Variants in BCAS1 observed in about 807,000 individuals in gnomAD.
The protein encoded by BCAS1 is brain enriched myelin associated protein 1, also known as breast carcinoma-amplified sequence 1.
In BCAS1, 46 loss-of-function variants were observed where a neutral mutation model predicts 65.4. The observed-to-expected ratio is 0.70, with a 90% confidence interval of 0.55 to 0.90. The LOEUF is 0.90. BCAS1 is among the 40% of genes least tolerant of loss of function. The pLI is 0.00. For synonymous variants in BCAS1, 298 were observed against 293.5 expected (o/e 1.02, Z -0.16); for missense variants, 793 against 771.2 (o/e 1.03, Z -0.33).
At chr20:53,993,798 G>A (rs1174504342) in intron 6 of BCAS1, among the ~76,000 whole-genome samples, 1 of 152,184 alleles carries the variant, frequency 6.6e-6, no homozygotes, top group African/African-American at 2.4e-5. Context: ...GCATGTAGAT[G>A]CTTCAGATAC....
chr20:53,957,928 A>G (rs1381122728), intron 10 of BCAS1, among the ~76,000 whole-genome samples: 2 of 151,018 alleles, frequency 1.3e-5, no homozygotes, highest in African/African-American at 4.9e-5. Flanking sequence ...GTTTTGTTTA[A>G]TATTTCATTT....
intron 10 of BCAS1, among the ~76,000 whole-genome samples, chr20:53,961,679 T>C (rs184446447): frequency 7.2e-4 from 110 of 152,332 alleles, no homozygotes; most frequent in African/African-American, 2.6e-3. Flanking sequence ...CATGTGGTTG[T>C]TCTACCTTCG....
chr20:54,061,789 G>A (rs759050566), intron 1 of BCAS1, among the ~76,000 whole-genome samples: 7 of 152,144 alleles, frequency 4.6e-5, no homozygotes, highest in African/African-American at 7.2e-5. Context: ...TATAAAATCC[G>A]TGACTCACAC....
chr20:54,057,824 A>G (rs559741723), intron 3 of BCAS1, among the ~76,000 whole-genome samples: 1 of 152,336 alleles, frequency 6.6e-6, no homozygotes, highest in East Asian at 1.9e-4. Context: ...GGCGTGGAAC[A>G]CGTTCTCCCT....
chr20:54,066,812 AC>A (rs1159326259), intron 1 of BCAS1, among the ~76,000 whole-genome samples: 4 of 152,222 alleles, frequency 2.6e-5, no homozygotes, highest in Admixed American at 2.6e-4. Flanking sequence ...TGTTTTGGTT[AC>A]CACAGCCCAA....
intron 12 of BCAS1, among the ~76,000 whole-genome samples, chr20:53,949,531 G>A (rs2089446549): frequency 6.6e-6 from 1 of 152,294 alleles, no homozygotes; most frequent in South Asian, 2.1e-4. Context: ...TGACAGGCTC[G>A]GCTGCCAGCA....
intron 1 of BCAS1, among the ~76,000 whole-genome samples, chr20:54,067,388 T>G (rs573412826): frequency 6.6e-6 from 1 of 152,090 alleles, no homozygotes; most frequent in Non-Finnish European, 1.5e-5. Context: ...AGTAAATAAA[T>G]AAATCAAATA....
At chr20:54,068,910 C>T (rs1461944538) in intron 1 of BCAS1, among the ~76,000 whole-genome samples, 1 of 152,172 alleles carries the variant, frequency 6.6e-6, no homozygotes, top group Non-Finnish European at 1.5e-5. Flanking sequence ...ATTCCTCTCC[C>T]TCCACATCTC....
At chr20:54,020,961 T>A (rs2091544039) in intron 4 of BCAS1, among the ~76,000 whole-genome samples, 1 of 152,206 alleles carries the variant, frequency 6.6e-6, no homozygotes, top group Non-Finnish European at 1.5e-5. Flanking sequence ...ATTAGAAAAC[T>A]AATGTAATGG....
chr20:54,038,911 A>G (rs1270609030), intron 3 of BCAS1, among the ~76,000 whole-genome samples: 1 of 151,438 alleles, frequency 6.6e-6, no homozygotes, highest in Non-Finnish European at 1.5e-5. Context: ...GATCACACAC[A>G]TGACCGTGGT....
chr20:53,976,132 G>A (rs2090327867), intron 8 of BCAS1, among the ~76,000 whole-genome samples: 1 of 152,156 alleles, frequency 6.6e-6, no homozygotes, highest in Non-Finnish European at 1.5e-5. Flanking sequence ...AGTGGGATAG[G>A]AGTTATCCCG....
At chr20:53,982,150 C>A (rs117476147) in intron 8 of BCAS1, among the ~76,000 whole-genome samples, 6 of 152,282 alleles carry the variant, frequency 3.9e-5, no homozygotes, top group Admixed American at 2.0e-4. Context: ...ACAGCTCAAC[C>A]TTTCTGATTC....
At chr20:53,998,890 A>G (rs2090988656) in intron 4 of BCAS1, among the ~76,000 whole-genome samples, 1 of 152,248 alleles carries the variant, frequency 6.6e-6, no homozygotes, top group Non-Finnish European at 1.5e-5. Context: ...CTTAATCTTT[A>G]CAACAATCTT....
chr20:53,958,197 T>C (rs556183633), intron 10 of BCAS1, among the ~76,000 whole-genome samples: 153 of 152,306 alleles, frequency 1.0e-3, no homozygotes, highest in Non-Finnish European at 1.8e-3. Context: ...TGCTGAGGAT[T>C]GTCTGAGTTT....
intron 1 of BCAS1, 38 bp from the exon 2 acceptor site, chr20:54,058,761 C>G (rs749656483): frequency 6.2e-7 from 1 of 1,601,006 alleles, no homozygotes; most frequent in Non-Finnish European, 8.5e-7. Context: ...AGAAAGAAAT[C>G]AAAACCAAAC....
chr20:53,981,325 T>C (rs918195042), intron 8 of BCAS1, among the ~76,000 whole-genome samples: 6 of 152,138 alleles, frequency 3.9e-5, no homozygotes, highest in African/African-American at 1.4e-4. Context: ...AGAATCCCCA[T>C]GGGAAGGTGT....
chr20:54,036,178 A>G (rs2091896812), intron 3 of BCAS1, among the ~76,000 whole-genome samples: 2 of 150,834 alleles, frequency 1.3e-5, no homozygotes, highest in Admixed American at 1.3e-4. Flanking sequence ...ACAAACCCCC[A>G]TGACACAAAT....
chr20:54,030,133 TA>T (rs1320913109), intron 3 of BCAS1, among the ~76,000 whole-genome samples: 1 of 152,216 alleles, frequency 6.6e-6, no homozygotes, highest in African/African-American at 2.4e-5. Context: ...TACCTTGACC[TA>T]AATTAACTAT....
chr20:54,024,277 T>C (rs1002391495), intron 4 of BCAS1, among the ~76,000 whole-genome samples: 1 of 152,238 alleles, frequency 6.6e-6, no homozygotes, highest in African/African-American at 2.4e-5. Flanking sequence ...AGTTCTTTAA[T>C]TCCAATTCTA....
Sources: gnomAD v4.1 joint callset for allele counts (sites outside exome capture counted in the v4.1 genomes callset) on GRCh38, gnomAD v4.1.1 for gene constraint, MANE v1.5 for transcripts, NCBI Gene and HGNC (gene_info 2026-07-23, HGNC 2026-07-21) for gene names.